GART: variants seen among roughly 807,000 people sequenced by gnomAD.
GART encodes phosphoribosylglycinamide formyltransferase, phosphoribosylglycinamide synthetase, phosphoribosylaminoimidazole synthetase, also known as trifunctional purine biosynthetic protein adenosine-3.
GART carries 43 observed loss-of-function variants against 107.2 expected under a neutral mutation model. The ratio of observed to expected loss-of-function variants is 0.40; its 90% CI spans 0.31 to 0.52. The LOEUF (loss-of-function observed/expected upper bound fraction) is 0.52, where lower values mean the gene tolerates loss of function less well. GART is among the 20% of genes least tolerant of loss of function. GART has a pLI of 0.52. For missense variants in GART, 1,107 were observed against 1,206.5 expected (o/e 0.92, Z 1.22); for synonymous variants, 434 against 427.0 (o/e 1.02, Z -0.20).
intron 20 of GART, among the ~76,000 whole-genome samples, 181 bp from the exon 21 acceptor site, chr21:33,504,708 C>A (rs2084649699): frequency 6.6e-6 from 1 of 152,102 alleles, no homozygotes; most frequent in Non-Finnish European, 1.5e-5. Context: ...GCCCTGGAAG[C>A]AGCAAGTACC....
At chr21:33,534,844 T>A in intron 3 of GART, 91 bp from the exon 4 acceptor site, 1 of 1,146,826 alleles carries the variant, frequency 8.7e-7, no homozygotes, top group Non-Finnish European at 1.2e-6. Context: ...TATATCTACA[T>A]CTAGACAAGG....
rs1236842346 is a variant in GART, at chr21:33,517,072, A to G, written c.2024T>C (p.Val675Ala). The G allele has an allele frequency of 1.9e-6, 3 of 1,613,966 alleles. No homozygotes were observed. The Admixed American group carries it at 5.0e-5, about 27-fold the overall frequency. The part of the protein sequence containing the change: ...SLLPVLRSGH[V>A]KAFAHITGGG... ...ACCAGTAATATGGGCAAAGGCTTTGACATGTCCTGAACGTAGGACAGGTAA... is the reference window on the plus strand; with the variant it reads ...ACCAGTAATATGGGCAAAGGCTTTGGCATGTCCTGAACGTAGGACAGGTAA... The change falls in exon 16 of 22, where the codon GTC becomes GCC. Residue 675 changes from valine (V) to alanine (A), a missense_variant. Physicochemically the swap from Val to Ala is moderately conservative, Grantham distance 64 (BLOSUM62 0). Transcript: ENST00000381815.
intron 14 of GART, chr21:33,518,629 C>T (rs548980787): frequency 5.5e-6 from 2 of 363,792 alleles, no homozygotes; most frequent in East Asian, 7.1e-5. Context: ...AAAATAGCAG[C>T]TCCTAGTTAC....
At chr21:33,517,701 C>T (rs987126373) in intron 14 of GART, 93 bp from the exon 15 acceptor site, 10 of 1,261,980 alleles carry the variant, frequency 7.9e-6, no homozygotes, top group Non-Finnish European at 1.1e-5. Context: ...GAACAACTAA[C>T]ACATGGCTAT....
At chr21:33,525,146 G>T (rs1296506279) in intron 10 of GART, 146 bp from the exon 11 acceptor site, 1 of 1,374,784 alleles carries the variant, frequency 7.3e-7, no homozygotes, top group Non-Finnish European at 9.5e-7. Context: ...CAGCACTTTG[G>T]GAGGCTGAGG....
intron 17 of GART, 121 bp downstream of exon 17, chr21:33,511,131 A>T: frequency 1.1e-6 from 1 of 932,900 alleles, no homozygotes; most frequent in East Asian, 2.4e-5. Flanking sequence ...CTGTGTAAAG[A>T]TAGTTGCCAT....
At chr21:33,530,156 C>T (rs1170893928) in intron 7 of GART, among the ~76,000 whole-genome samples, 4 of 152,214 alleles carry the variant, frequency 2.6e-5, no homozygotes, top group Non-Finnish European at 5.9e-5. Flanking sequence ...CGTGCCACTG[C>T]ACCCCAGCCT....
chr21:33,525,240 A>T (rs2085050787), intron 10 of GART, among the ~76,000 whole-genome samples: 1 of 151,966 alleles, frequency 6.6e-6, no homozygotes, highest in African/African-American at 2.4e-5. Context: ...ATAAATAAAT[A>T]AATAATAATA....
intron 5 of GART, chr21:33,531,915 C>T (rs2085199660): frequency 3.9e-6 from 1 of 254,296 alleles, no homozygotes; most frequent in African/African-American, 2.2e-5. Flanking sequence ...TATACTAAAG[C>T]ATGCTTGTGA....
chr21:33,530,963 T>C, intron 6 of GART, 79 bp from the exon 7 acceptor site: 1 of 1,311,064 alleles, frequency 7.6e-7, no homozygotes, highest in Non-Finnish European at 1.0e-6. Context: ...AAACTATATG[T>C]CCCTTAATTC....
At chr21:33,504,698 G>A (rs1036057888) in intron 20 of GART, among the ~76,000 whole-genome samples, 171 bp from the exon 21 acceptor site, 7 of 152,240 alleles carry the variant, frequency 4.6e-5, no homozygotes, top group Middle Eastern at 3.4e-3. Flanking sequence ...ATCCAAGAAG[G>A]CCCTGGAAGC....
chr21:33,510,042 A>G, intron 17 of GART, 122 bp from the exon 18 acceptor site: 1 of 870,472 alleles, frequency 1.1e-6, no homozygotes, highest in Non-Finnish European at 1.7e-6. Flanking sequence ...AGATAATGCA[A>G]GGACTAAAAT....
chr21:33,504,550 TGGTCA>T, intron 20 of GART, 23 bp from the exon 21 acceptor site: 1 of 1,525,352 alleles, frequency 6.6e-7, no homozygotes, highest in Non-Finnish European at 9.1e-7. Flanking sequence ...AAAAGCATAG[TGGTCA>T]GAATTTAAAA....
intron 16 of GART, among the ~76,000 whole-genome samples, chr21:33,516,438 A>G (rs2084881189): frequency 6.6e-6 from 1 of 152,276 alleles, no homozygotes; most frequent in Non-Finnish European, 1.5e-5. Context: ...ATTTATCTTC[A>G]GCATGACTTC....
chr21:33,526,106 C>T (rs1486815623), intron 10 of GART, among the ~76,000 whole-genome samples: 3 of 151,816 alleles, frequency 2.0e-5, no homozygotes, highest in South Asian at 2.1e-4. Flanking sequence ...CCTGACCTTG[C>T]GATCTGCCTG....
chr21:33,525,080 G>GTT, intron 10 of GART, 80 bp from the exon 11 acceptor site: 1 of 1,423,962 alleles, frequency 7.0e-7, no homozygotes, highest in South Asian at 1.5e-5. Flanking sequence ...ATTTCCACAA[G>GTT]TTTCTTTTTT....
At position 33,525,020 on chromosome 21, in the gene GART, A is replaced by G; in HGVS notation, c.1067-20T>C. 2 of 1,601,488 alleles carry G rather than the reference A, an allele frequency of 1.2e-6. No homozygotes were observed. The highest frequency in any genetic ancestry group is 1.7e-6 in the Non-Finnish European group (2 of 1,174,430). ...GAAACCCTAGAAGAGAGCATATTTG[A>G]CATATGATTTCAAATAGCAACAGTA... On this transcript the variant is annotated intron_variant, in intron 10 of 21. Transcript: ENST00000381815.
intron 19 of GART, 126 bp from the exon 20 acceptor site, chr21:33,505,828 A>T (rs1478234421): frequency 7.3e-7 from 1 of 1,362,886 alleles, no homozygotes; most frequent in Non-Finnish European, 1.0e-6. Flanking sequence ...GATTATTAAG[A>T]AAGGGACAGG....
At chr21:33,524,667 GA>G in intron 11 of GART, 101 bp downstream of exon 11, 1 of 1,529,340 alleles carries the variant, frequency 6.5e-7, no homozygotes, top group Non-Finnish European at 8.8e-7. Context: ...CCCACAGAGA[GA>G]AAAGAATACT....
Sources: gnomAD v4.1 joint callset for allele counts (sites outside exome capture counted in the v4.1 genomes callset) on GRCh38, gnomAD v4.1.1 for gene constraint, MANE v1.5 for transcripts, NCBI Gene and HGNC (gene_info 2026-07-23, HGNC 2026-07-21) for gene names.